The following ANO6 variants were observed in gnomAD, a reference collection of about 807,000 sequenced individuals.
ANO6 encodes the protein anoctamin 6.
A neutral mutation model predicts 117.5 loss-of-function variants in ANO6; 106 were observed. The observed-to-expected ratio is 0.90, with a 90% confidence interval of 0.77 to 1.06. The LOEUF (loss-of-function observed/expected upper bound fraction) is 1.06. Ranked by LOEUF, ANO6 falls within the 50% of genes least tolerant of loss-of-function variation. ANO6 has a pLI of 0.00. For synonymous variants in ANO6, 367 were observed against 385.1 expected (o/e 0.95, Z 0.55); for missense variants, 955 against 1,121.1 (o/e 0.85, Z 2.12).
chr12:45,342,759 G>A (rs908732555), intron 3 of ANO6, among the ~76,000 whole-genome samples: 10 of 152,186 alleles, frequency 6.6e-5, no homozygotes, highest in Admixed American at 2.0e-4. Context: ...ATGATATCAA[G>A]ATTAAAAGAC....
At chr12:45,422,576 CTTT>C (rs35726842) in intron 18 of ANO6, among the ~76,000 whole-genome samples, 4 of 140,450 alleles carry the variant, frequency 2.8e-5, no homozygotes. Context: ...TCAAATATGA[CTTT>C]TTTTTTTTTT....
intron 1 of ANO6, among the ~76,000 whole-genome samples, chr12:45,218,644 A>C (rs987507889): frequency 3.9e-5 from 6 of 152,168 alleles, no homozygotes; most frequent in African/African-American, 1.2e-4. Context: ...TGTTAAGTTT[A>C]TGCCTTTACA....
intron 19 of ANO6, among the ~76,000 whole-genome samples, chr12:45,426,166 T>A (rs1335551287): frequency 6.6e-6 from 1 of 152,170 alleles, no homozygotes; most frequent in African/African-American, 2.4e-5. Context: ...TGTACAAATC[T>A]GAATCTAGCA....
At chr12:45,357,912 A>G (rs1941455302) in intron 8 of ANO6, among the ~76,000 whole-genome samples, 1 of 152,240 alleles carries the variant, frequency 6.6e-6, no homozygotes, top group Non-Finnish European at 1.5e-5. Flanking sequence ...TTTGGTTTTT[A>G]CATTAAAAAA....
At chr12:45,348,782 TA>T (rs1428401599) in intron 6 of ANO6, 151 bp downstream of exon 6, 1 of 704,640 alleles carries the variant, frequency 1.4e-6, no homozygotes, top group East Asian at 2.7e-5. Flanking sequence ...GGGTAAGAAC[TA>T]GGTCTTTTGT....
rs34144696 is a variant in ANO6 at position 45,439,647 on chromosome 12, CTTTTT to C, written c.2527-12_2527-8del. 1.1e-3 allele frequency: 1,258 copies of C among 1,125,958 alleles called. No homozygotes were observed. Among genetic ancestry groups the C allele is most frequent in the East Asian group, 1.3e-3 (42 of 31,288 alleles). 69.7% of individuals were successfully genotyped at this position (1,125,958 alleles called of 1,614,324 possible). ...GAGTATTCAAGATATGATTTAATTGCTTTTTTTTTTTTTTTTTTTTGAGACAGTAT... is the reference window on the plus strand; with the variant it reads ...GAGTATTCAAGATATGATTTAATTGCTTTTTTTTTTTTTTTGAGACAGTAT... On this transcript the variant is annotated intron_variant, in intron 19 of 19. Transcript: ENST00000425752.
intron 1 of ANO6, among the ~76,000 whole-genome samples, chr12:45,234,035 A>G (rs1947611751): frequency 6.6e-6 from 1 of 152,222 alleles, no homozygotes; most frequent in Non-Finnish European, 1.5e-5. Context: ...CAGACTAACA[A>G]TCCTTAACCT....
chr12:45,305,562 C>T (rs1332218712), intron 2 of ANO6, among the ~76,000 whole-genome samples: 1 of 152,114 alleles, frequency 6.6e-6, no homozygotes, highest in Non-Finnish European at 1.5e-5. Flanking sequence ...TGGTGACTAT[C>T]ATTTGGGGAC....
chr12:45,365,610 G>A (rs570020226), intron 8 of ANO6, among the ~76,000 whole-genome samples: 1 of 152,148 alleles, frequency 6.6e-6, no homozygotes, highest in Non-Finnish European at 1.5e-5. Context: ...GGTTTTGGGG[G>A]TAGCTTTAGA....
chr12:45,276,037 AT>A (rs930836238), intron 1 of ANO6, among the ~76,000 whole-genome samples: 3 of 151,940 alleles, frequency 2.0e-5, no homozygotes, highest in Non-Finnish European at 4.4e-5. Context: ...GGAACTCTTG[AT>A]TTGCTTCCAT....
chr12:45,220,150 A>T (rs182991266), intron 1 of ANO6, among the ~76,000 whole-genome samples: 27 of 152,286 alleles, frequency 1.8e-4, no homozygotes, highest in Admixed American at 1.4e-3. Context: ...TCTGTGGTCA[A>T]GCTTTGCTGA....
chr12:45,314,467 TTA>T (rs1184316830), intron 2 of ANO6, among the ~76,000 whole-genome samples: 104 of 37,938 alleles, frequency 2.7e-3, no homozygotes, highest in South Asian at 0.01. Flanking sequence ...TATATATATA[TTA>T]TATATACACA....
chr12:45,304,372 C>T (rs1443462806), intron 2 of ANO6, among the ~76,000 whole-genome samples: 1 of 152,092 alleles, frequency 6.6e-6, no homozygotes, highest in African/African-American at 2.4e-5. Flanking sequence ...TTGATTCAAG[C>T]CACATTTTAA....
chr12:45,224,672 T>C (rs961501158), intron 1 of ANO6, among the ~76,000 whole-genome samples: 9 of 152,214 alleles, frequency 5.9e-5, no homozygotes, highest in East Asian at 1.9e-4. Context: ...AACACAGCTC[T>C]AAAAGAATAA....
At chr12:45,373,328 C>T (rs1171784097) in intron 9 of ANO6, among the ~76,000 whole-genome samples, 1 of 151,384 alleles carries the variant, frequency 6.6e-6, no homozygotes. Context: ...CAAGGATACC[C>T]AGGAATTGAA....
intron 19 of ANO6, among the ~76,000 whole-genome samples, chr12:45,424,355 T>TTTTTTAG (rs1483211900): frequency 1.5e-5 from 2 of 129,128 alleles, no homozygotes; most frequent in African/African-American, 5.8e-5. Flanking sequence ...TTTTTTTTTT[T>TTTTTTAG]AAAGACAGAG....
intron 3 of ANO6, chr12:45,335,761 TC>T (rs1255564447): frequency 1.3e-5 from 2 of 152,030 alleles, no homozygotes; most frequent in Admixed American, 1.3e-4. Flanking sequence ...ATTAACTTTT[TC>T]CAATTACTGA....
chr12:45,432,868 G>A (rs1265100715), downstream of ANO6, among the ~76,000 whole-genome samples: 4 of 152,132 alleles, frequency 2.6e-5, no homozygotes, highest in East Asian at 7.7e-4. Flanking sequence ...GAGGCAATAT[G>A]TAAATGGACA....
In ANO6 at chr12:45,348,247, A is replaced by G. The variant is rs1159129214; in HGVS notation, c.565A>G (p.Asn189Asp). ...QEFFTAPFEKNRMNDFYIVDR... is the reference protein window; with the variant it reads ...QEFFTAPFEKDRMNDFYIVDR... ...GTTTTTCACTGCCCCATTTGAGAAG[A>G]ACCGGATGAATGATTTTTACATAGT... is the stretch of plus-strand genomic sequence containing the variant. Residue 189 changes from asparagine (N) to aspartate (D), a missense_variant, in exon 5 of 20, where the codon AAC (asparagine) becomes GAC (aspartate). Physicochemically the swap from Asn to Asp is conservative, Grantham distance 23. Coordinates refer to ENST00000320560, the MANE Select transcript of ANO6 (RefSeq NM_001025356.3). 2.5e-6 allele frequency: 4 copies of G among 1,613,954 alleles called. No homozygotes were observed. In the African/African-American group the frequency reaches 5.3e-5, roughly 22 times the overall value.
Sources: gnomAD v4.1 joint callset for allele counts (sites outside exome capture counted in the v4.1 genomes callset) on GRCh38, gnomAD v4.1.1 for gene constraint, MANE v1.5 for transcripts, NCBI Gene and HGNC (gene_info 2026-07-23, HGNC 2026-07-21) for gene names.